Variants in EP300 observed in about 807,000 individuals in gnomAD.
EP300 encodes the protein EP300 lysine acetyltransferase, also known as histone acetyltransferase p300.
In EP300, 31 loss-of-function variants were observed where a neutral mutation model predicts 264.0. That is an observed-to-expected ratio of 0.12 (90% CI 0.09 to 0.16). EP300 has a LOEUF of 0.16. Among genes scored for constraint, EP300 ranks in the 10% least tolerant of loss-of-function variants. EP300 has a pLI of 1.00. For synonymous variants in EP300, 1,340 were observed against 1,045.4 expected (o/e 1.28, Z -5.44); for missense variants, 2,766 against 3,052.9 (o/e 0.91, Z 2.21).
At chr22:41,154,773 T>C (rs572557243) in intron 16 of EP300, among the ~76,000 whole-genome samples, 1 of 152,122 alleles carries the variant, frequency 6.6e-6, no homozygotes, top group Non-Finnish European at 1.5e-5. Context: ...TGAAGAGTGT[T>C]TTAAGGTGAT....
rs1203084918 is a variant in EP300 at position 41,125,945 on chromosome 22, G to A, written c.811G>A (p.Gly271Ser). The change falls in exon 3 of 31, where the codon GGT becomes AGT. Residue 271 changes from glycine (G) to serine (S), a missense_variant. Gly to Ser is a moderately conservative substitution (Grantham distance 56, BLOSUM62 0). Transcript: ENST00000263253. ...ACAGCAGATTGGAGCCAGTGGCCTT[G>A]GTCTCCAGATTCAGACAAAAACTGT... is the stretch of plus-strand genomic sequence containing the variant. ...PGQQIGASGL[G>S]LQIQTKTVLS... The A allele has an allele frequency of 2.5e-6, 4 of 1,613,984 alleles. No homozygotes were observed. The highest frequency in any genetic ancestry group is 3.4e-6 in the Non-Finnish European group (4 of 1,179,988).
Position 41,140,262 on chromosome 22 carries a change from G to T in EP300, c.1878+5G>T. Reference sequence around the variant, plus strand: ...TATGAATCTGCAAACAATCGAGTGAGTGTCTGGTTTTTTTCTATTAATAGC... The same window carrying T: ...TATGAATCTGCAAACAATCGAGTGATTGTCTGGTTTTTTTCTATTAATAGC... On this transcript the variant is annotated splice_donor_5th_base_variant and intron_variant, in intron 9 of 30. Transcript: ENST00000263253. 6.3e-7 allele frequency: 1 copy of T among 1,585,774 alleles called. No homozygotes were observed. The highest frequency in any genetic ancestry group is 2.2e-5 in the East Asian group (1 of 44,728).
Position 41,149,874 on chromosome 22 carries a change from A to G in EP300, c.2493A>G (p.Ser831=), listed in dbSNP as rs1364580823. ...CTCAACCAGCTCTTCATCAGAATTC[A>G]CCCTCGCCTGTACCTAGTCGTACCC... ...QLPQPALHQN[S]PSPVPSRTPT... The change falls in exon 14 of 31, where the codon TCA becomes TCG. Residue 831 remains serine (S), a synonymous_variant. Transcript: ENST00000263253. 1.2e-6 allele frequency: 2 copies of G among 1,613,520 alleles called. No homozygotes were observed. The highest frequency in any genetic ancestry group is 1.7e-6 in the Non-Finnish European group (2 of 1,179,938).
Position 41,154,376 on chromosome 22 carries a change from C to CTTTTTTTTTTTTTTTTTTTTTTTT in EP300, c.3143-596_3143-595insTTTTTTTTTTTTTTTTTTTTTTTT. On this transcript the variant is annotated intron_variant, in intron 16 of 30. Transcript: ENST00000263253. The stretch of plus-strand genomic sequence containing the variant: ...TCTTAACACGAGTATCTTGTGCACT[C>CTTTTTTTTTTTTTTTTTTTTTTTT]TTTTTTTTTTTTTTTTTTTTTTTGA... 2.1e-3 allele frequency among the ~76,000 whole-genome samples: 129 copies of CTTTTTTTTTTTTTTTTTTTTTTTT among 61,786 alleles called. 25 individuals are homozygous for CTTTTTTTTTTTTTTTTTTTTTTTT. The highest frequency in any genetic ancestry group is 4.2e-3 in the Admixed American group (12 of 2,884). 40.5% of individuals were successfully genotyped at this position (61,786 alleles called of 152,430 possible).
At chr22:41,170,026 T>C (rs1325215388) in intron 26 of EP300, among the ~76,000 whole-genome samples, 1 of 152,230 alleles carries the variant, frequency 6.6e-6, no homozygotes, top group African/African-American at 2.4e-5. Context: ...TTGAAGTCTG[T>C]TTCTCTGAAC....
chr22:41,159,290 T>C (rs1341078335), intron 19 of EP300: 1 of 152,236 alleles, frequency 6.6e-6, no homozygotes, highest in African/African-American at 2.4e-5. Context: ...GGTGTTGGTT[T>C]TTGCTGAACT....
chr22:41,150,053 C>G lies in EP300; in HGVS notation c.2672C>G (p.Thr891Arg), dbSNP rs1432735340. 7 of 1,613,876 alleles carry G rather than the reference C, an allele frequency of 4.3e-6. No individual in the cohort carries two copies. In the South Asian group the frequency reaches 7.7e-5, roughly 18 times the overall value. Residue 891 changes from threonine (T) to arginine (R), a missense_variant, in exon 14 of 31, where the codon ACA becomes AGA. Physicochemically the swap from Thr to Arg is moderately conservative, Grantham distance 71. Coordinates refer to ENST00000263253, the MANE Select transcript of EP300 (RefSeq NM_001429.4). ...AGGCAGACACCTACACCACCAACAA[C>G]ACAACTTCCCCAACAAGTGCAGCCT... is the stretch of plus-strand genomic sequence containing the variant. ...PPRQTPTPPT[T>R]QLPQQVQPSL...
chr22:41,145,095 C>T (rs1460372209), intron 10 of EP300, among the ~76,000 whole-genome samples: 1 of 152,128 alleles, frequency 6.6e-6, no homozygotes, highest in Non-Finnish European at 1.5e-5. Flanking sequence ...TAGCTTGGAA[C>T]ACCTATCCAT....
At chr22:41,154,666 A>G (rs2059066769) in intron 16 of EP300, among the ~76,000 whole-genome samples, 1 of 152,118 alleles carries the variant, frequency 6.6e-6, no homozygotes, top group Admixed American at 6.6e-5. Flanking sequence ...CTTATTTGGC[A>G]AAGTCTCTTC....
At chr22:41,095,561 G>T (rs1022460586) in intron 1 of EP300, among the ~76,000 whole-genome samples, 40 of 148,980 alleles carry the variant, frequency 2.7e-4, no homozygotes, top group Middle Eastern at 6.8e-3. Context: ...TTTTTTTTTT[G>T]ACATTCTGCA....
intron 7 of EP300, among the ~76,000 whole-genome samples, chr22:41,136,302 G>A (rs1350205770): frequency 1.3e-5 from 2 of 152,194 alleles, no homozygotes; most frequent in Non-Finnish European, 2.9e-5. Flanking sequence ...GGGATTGCAG[G>A]CGTGAGCCAC....
chr22:41,178,221 G>C lies in EP300; in HGVS notation c.6510G>C (p.Met2170Ile), dbSNP rs1463124826. Residue 2170 changes from methionine (M) to isoleucine (I), a missense_variant, in exon 31 of 31, where the codon ATG (methionine) becomes ATC (isoleucine). Coordinates refer to ENST00000263253, the MANE Select transcript of EP300 (RefSeq NM_001429.4). ...GCCCCCAGGCTCAGCAGATGAACAT[G>C]AACCACAACACCATGCCTTCACAAT... The part of the protein sequence containing the change: ...GMSPQAQQMN[M>I]NHNTMPSQFR... 2 of 1,613,986 alleles carry C rather than the reference G, an allele frequency of 1.2e-6. No homozygotes were observed. Among genetic ancestry groups the C allele is most frequent in the Admixed American group, 1.7e-5 (1 of 60,014 alleles).
chr22:41,122,431 G>T (rs1220584947), intron 2 of EP300, among the ~76,000 whole-genome samples: 1 of 151,976 alleles, frequency 6.6e-6, no homozygotes, highest in Non-Finnish European at 1.5e-5. Flanking sequence ...CTCTCAAAGT[G>T]CTGGGATTAC....
intron 26 of EP300, 112 bp downstream of exon 26, chr22:41,169,728 T>A (rs1194062706): frequency 1.4e-6 from 1 of 704,304 alleles, no homozygotes; most frequent in East Asian, 2.7e-5. Context: ...TCATTTTAGT[T>A]CTTACGTAAC....
rs535527462 is a variant in EP300, at chr22:41,136,026, T to C, written c.1622+120T>C. ...GAGGATGTCTTTGAATACAGATAGA[T>C]GTTTGAGTCCATTCTTTCTTTTTTC... On this transcript the variant is annotated intron_variant, in intron 7 of 30. Coordinates refer to ENST00000263253, the MANE Select transcript of EP300 (RefSeq NM_001429.4). 4 of 793,978 alleles carry C rather than the reference T, an allele frequency of 5.0e-6. No homozygotes were observed. In the African/African-American group the frequency reaches 5.1e-5, roughly 10 times the overall value. The allele number at this position is 793,978 out of a possible 1,614,324, so 49.2% of individuals were successfully genotyped here.
intron 27 of EP300, 27 bp from the exon 28 acceptor site, chr22:41,172,472 C>T (rs1325650318): frequency 6.4e-7 from 1 of 1,573,710 alleles, no homozygotes; most frequent in Non-Finnish European, 8.7e-7. Context: ...CATAGAAATT[C>T]CTATATGTAC....
chr22:41,172,615 G>A lies in EP300; in HGVS notation c.4569G>A (p.Glu1523=), dbSNP rs2145770373. 1 of 1,614,040 alleles carries A rather than the reference G, an allele frequency of 6.2e-7. No homozygotes were observed. Among genetic ancestry groups the A allele is most frequent in the Non-Finnish European group, 8.5e-7 (1 of 1,179,950 alleles). The stretch of plus-strand genomic sequence containing the variant: ...AAAGCATTAAGGAACTGGAACAGGA[G>A]GAAGAAGAGAGAAAACGAGAGGAAA... The part of the protein sequence containing the change: ...LEESIKELEQ[E]EEERKREENT... The change falls in exon 28 of 31, where the codon GAG becomes GAA. Residue 1523 remains glutamate, a synonymous_variant. Transcript: ENST00000263253.
chr22:41,160,404 A>G (rs1420226668), intron 19 of EP300: 7 of 472,486 alleles, frequency 1.5e-5, no homozygotes, highest in Non-Finnish European at 2.7e-5. Context: ...CGTTGTCTGC[A>G]CTTGGCTTTG....
intron 23 of EP300, among the ~76,000 whole-genome samples, chr22:41,167,553 T>C (rs987751621): frequency 8.1e-6 from 1 of 123,426 alleles, no homozygotes; most frequent in Non-Finnish European, 1.7e-5. Context: ...GTTCATTGTT[T>C]ATATATTTGT....
Sources: allele counts gnomAD v4.1 joint callset (sites outside exome capture counted in the v4.1 genomes callset), GRCh38; gene constraint gnomAD v4.1.1; transcripts MANE v1.5; gene names NCBI Gene and HGNC (gene_info 2026-07-23, HGNC 2026-07-21).